Variants in SDK1 observed in about 807,000 individuals in gnomAD.
SDK1 encodes protein sidekick-1.
SDK1 carries 157 observed loss-of-function variants against 245.5 expected under a neutral mutation model. That is an observed-to-expected ratio of 0.64 (90% CI 0.56 to 0.73). SDK1 has a LOEUF of 0.73. Among genes scored for constraint, SDK1 ranks in the 30% least tolerant of loss-of-function variants. SDK1 has a pLI of 0.00. For missense variants in SDK1, 3,583 were observed against 3,002.3 expected (o/e 1.19, Z -4.52); for synonymous variants, 1,647 against 1,278.5 (o/e 1.29, Z -6.15).
chr7:4,144,928 G>A (rs931269856), intron 28 of SDK1, among the ~76,000 whole-genome samples: 6 of 152,212 alleles, frequency 3.9e-5, no homozygotes, highest in Non-Finnish European at 8.8e-5. Flanking sequence ...TGGACCACAC[G>A]TTGTCTGTGA....
At chr7:4,173,169 G>A (rs148367994) in intron 32 of SDK1, among the ~76,000 whole-genome samples, 193 of 152,318 alleles carry the variant, frequency 1.3e-3, no homozygotes, top group African/African-American at 4.0e-3. Flanking sequence ...TCGTGGCCTC[G>A]TCTTCAGCCA....
chr7:3,336,340 C>T (rs957621236), intron 1 of SDK1, among the ~76,000 whole-genome samples: 4 of 152,160 alleles, frequency 2.6e-5, no homozygotes, highest in African/African-American at 9.7e-5. Flanking sequence ...GCTGACAGCG[C>T]CTAGTGGGGA....
Position 3,969,325 on chromosome 7 carries a change from C to T in SDK1, c.1615C>T (p.Gln539Ter). ...CATGCTTCTTGAATCGGGGGGTCTACAGATCGCGCCCGTCTTCATCCAGGA... is the reference window on the plus strand; with the variant it reads ...CATGCTTCTTGAATCGGGGGGTCTATAGATCGCGCCCGTCTTCATCCAGGA... The part of the protein sequence containing the change: ...RFMLLESGGL[Q>*]IAPVFIQDAG... Residue 539 changes from glutamine to a stop codon, truncating the protein, a stop_gained, in exon 11 of 45, where the codon CAG becomes TAG. Transcript: ENST00000404826. LOFTEE classifies it high-confidence loss of function. 1 of 1,611,238 alleles carries T rather than the reference C, an allele frequency of 6.2e-7. No homozygotes were observed. Among genetic ancestry groups the T allele is most frequent in the Non-Finnish European group, 8.5e-7 (1 of 1,178,830 alleles).
chr7:3,674,893 C>T (rs1367671455), intron 4 of SDK1, among the ~76,000 whole-genome samples: 1 of 152,112 alleles, frequency 6.6e-6, no homozygotes, highest in African/African-American at 2.4e-5. Context: ...AATCATTAGG[C>T]AAGGCTGTGA....
chr7:3,625,070 A>C (rs532589092), intron 2 of SDK1, among the ~76,000 whole-genome samples: 49 of 152,258 alleles, frequency 3.2e-4, no homozygotes, highest in Non-Finnish European at 6.2e-4. Flanking sequence ...ATATATATTC[A>C]AATGAGTTCT....
chr7:4,169,190 T>C (rs1584353760), intron 32 of SDK1, among the ~76,000 whole-genome samples: 1 of 152,032 alleles, frequency 6.6e-6, no homozygotes, highest in African/African-American at 2.4e-5. Flanking sequence ...TTACCGGGAG[T>C]AGCAGTAACC....
At chr7:3,596,160 G>A (rs942949016) in intron 1 of SDK1, among the ~76,000 whole-genome samples, 1 of 151,982 alleles carries the variant, frequency 6.6e-6, no homozygotes, top group Non-Finnish European at 1.5e-5. Flanking sequence ...AAAAAGTTCC[G>A]CATTTTGGAG....
chr7:4,079,427 G>A, intron 21 of SDK1, 36 bp from the exon 22 acceptor site: 4 of 1,612,378 alleles, frequency 2.5e-6, no homozygotes, highest in Non-Finnish European at 3.4e-6. Flanking sequence ...GTGACGGACT[G>A]TAAATCTCTC....
chr7:3,694,579 G>GT lies in SDK1; in HGVS notation c.713+52474_713+52475insT, dbSNP rs562259779. Among the ~76,000 whole-genome samples the GT allele has an allele frequency of 3.8e-4, 58 of 151,756 alleles. No homozygotes were observed. In the East Asian group the frequency reaches 4.8e-3, roughly 13 times the overall value. Reference sequence around the variant, plus strand: ...TGGAAAGAATGTATTTATGTTGGTGGGGGGGGAAAAGCATATGAAATTGAG... The same window carrying GT: ...TGGAAAGAATGTATTTATGTTGGTGGTGGGGGGAAAAGCATATGAAATTGAG... On this transcript the variant is annotated intron_variant, in intron 4 of 44. Transcript: ENST00000404826.
chr7:4,110,286 T>C (rs6965018), intron 22 of SDK1, among the ~76,000 whole-genome samples: 150,138 of 152,272 alleles, frequency 0.99, 74,028 homozygotes, highest in East Asian at 1. Context: ...TCTTCCTCTC[T>C]AGGCTTTCTC....
At chr7:4,229,474 A>G (rs935294681) in intron 40 of SDK1, among the ~76,000 whole-genome samples, 19 of 152,270 alleles carry the variant, frequency 1.2e-4, no homozygotes, top group Admixed American at 1.0e-3. Flanking sequence ...TTCTGTATCA[A>G]TATTTTAAAA....
chr7:3,492,518 CA>C lies in SDK1; in HGVS notation c.299-126555del, dbSNP rs1020110017. 2.0e-5 allele frequency among the ~76,000 whole-genome samples: 3 copies of C among 152,174 alleles called. No homozygotes were observed. In the South Asian group the frequency reaches 6.2e-4, roughly 32 times the overall value. On this transcript the variant is annotated intron_variant, in intron 1 of 44. Transcript: ENST00000404826. ...CAAAAAAATACAAAAACAAAAACAA[CA>C]AAAAAACCTGACGGATGTCAGTGAA...
rs544958537 is a variant in SDK1 at position 3,931,677 on chromosome 7, A to G, written c.848-19246A>G. On this transcript the variant is annotated intron_variant, in intron 5 of 44. Coordinates refer to ENST00000404826, the MANE Select transcript of SDK1 (RefSeq NM_152744.4). The stretch of plus-strand genomic sequence containing the variant: ...TCAGCATCCCTAGGTTGATTGGTCT[A>G]TGCTGTGGATTTGAGCTATGCTGGT... Among the ~76,000 whole-genome samples, 13 of 152,244 alleles carry G rather than the reference A, an allele frequency of 8.5e-5. 1 individual carries two copies. Among genetic ancestry groups the G allele is most frequent in the African/African-American group, 3.1e-4 (13 of 41,548 alleles).
intron 5 of SDK1, among the ~76,000 whole-genome samples, chr7:3,893,558 A>G (rs1583521527): frequency 6.6e-6 from 1 of 151,590 alleles, no homozygotes; most frequent in East Asian, 1.9e-4. Context: ...GCAACCTCAC[A>G]TTTCTCCAGC....
intron 1 of SDK1, among the ~76,000 whole-genome samples, chr7:3,448,146 T>G (rs1780402984): frequency 6.6e-6 from 1 of 152,198 alleles, no homozygotes; most frequent in African/African-American, 2.4e-5. Context: ...ACTGCAGTCT[T>G]GTATAAGGTT....
At chr7:4,073,281 C>T (rs1780379366) in intron 20 of SDK1, among the ~76,000 whole-genome samples, 1 of 152,182 alleles carries the variant, frequency 6.6e-6, no homozygotes, top group African/African-American at 2.4e-5. Flanking sequence ...GACGTCTTTC[C>T]CACCTCACGC....
intron 22 of SDK1, among the ~76,000 whole-genome samples, chr7:4,099,501 C>A (rs1377911003): frequency 9.3e-6 from 1 of 107,058 alleles, no homozygotes; most frequent in African/African-American, 3.5e-5. Flanking sequence ...GCTGTTCCTG[C>A]TGTCAGATGC....
intron 40 of SDK1, among the ~76,000 whole-genome samples, chr7:4,230,152 T>TGGAA (rs1301923385): frequency 1.1e-4 from 10 of 87,034 alleles, no homozygotes; most frequent in Admixed American, 7.4e-4. Flanking sequence ...GATAGATGAA[T>TGGAA]GGAAGGAAGG....
rs989105071 is a variant in SDK1 at position 3,507,503 on chromosome 7, C to T, written c.299-111577C>T. 2.6e-5 allele frequency among the ~76,000 whole-genome samples: 4 copies of T among 152,294 alleles called. No individual in the cohort carries two copies. The East Asian group carries it at 7.7e-4, about 29-fold the overall frequency. On this transcript the variant is annotated intron_variant, in intron 1 of 44. Coordinates refer to ENST00000404826, the MANE Select transcript of SDK1 (RefSeq NM_152744.4). ...ACCATTGTTTCCCATATTCTGCTTT[C>T]TGGTTGTTGACTGCAGGAAGGACTG... is the stretch of plus-strand genomic sequence containing the variant.
Sources: allele counts gnomAD v4.1 joint callset (sites outside exome capture counted in the v4.1 genomes callset), GRCh38; gene constraint gnomAD v4.1.1; transcripts MANE v1.5; gene names NCBI Gene and HGNC (gene_info 2026-07-23, HGNC 2026-07-21).